KIAA1328: variants seen among roughly 807,000 people sequenced by gnomAD.
KIAA1328 encodes the protein protein hinderin.
In KIAA1328, 52 loss-of-function variants were observed where a neutral mutation model predicts 68.1. That is an observed-to-expected ratio of 0.76 (90% CI 0.61 to 0.96). The LOEUF (loss-of-function observed/expected upper bound fraction) is 0.96, where lower values mean the gene tolerates loss of function less well. KIAA1328 is among the 40% of genes least tolerant of loss of function. KIAA1328 has a pLI of 0.00. For synonymous variants in KIAA1328, 232 were observed against 239.4 expected, an observed-to-expected ratio of 0.97 and a Z score of 0.28; for missense variants, 641 against 677.6, an observed-to-expected ratio of 0.95 and a Z score of 0.60.
intron 9 of KIAA1328, among the ~76,000 whole-genome samples, chr18:37,186,195 C>A (rs746395316): frequency 1.4e-5 from 2 of 144,990 alleles, no homozygotes; most frequent in African/African-American, 5.2e-5. Context: ...CTCCCAGGTA[C>A]AAGGGATTCT....
intron 8 of KIAA1328, among the ~76,000 whole-genome samples, chr18:37,167,566 C>CCGA (rs1477184746): frequency 6.6e-6 from 1 of 152,082 alleles, no homozygotes; most frequent in Non-Finnish European, 1.5e-5. Context: ...CATCGTTCCA[C>CCGA]CGGTCAATGG....
chr18:37,221,425 A>G (rs1266373356), intron 9 of KIAA1328, among the ~76,000 whole-genome samples: 2 of 152,220 alleles, frequency 1.3e-5, no homozygotes, highest in Admixed American at 6.5e-5. Context: ...CAGCTTGCAA[A>G]TGGTAGAACA....
At chr18:36,960,755 AG>A (rs911014460) in intron 6 of KIAA1328, among the ~76,000 whole-genome samples, 3 of 152,244 alleles carry the variant, frequency 2.0e-5, no homozygotes, top group African/African-American at 7.2e-5. Flanking sequence ...ACAAACAGAA[AG>A]GAATATCATC....
chr18:37,215,408 A>G (rs1340713665), intron 9 of KIAA1328, among the ~76,000 whole-genome samples: 1 of 152,122 alleles, frequency 6.6e-6, no homozygotes, highest in Admixed American at 6.6e-5. Context: ...TGAGATAATC[A>G]TGTGGTTTTT....
At chr18:37,031,673 A>G (rs1166167630) in intron 6 of KIAA1328, among the ~76,000 whole-genome samples, 2 of 152,206 alleles carry the variant, frequency 1.3e-5, no homozygotes, top group Admixed American at 6.5e-5. Flanking sequence ...TGATGCAGTT[A>G]TCAACTTGAT....
At chr18:37,120,074 T>C (rs1349833096) in intron 7 of KIAA1328, among the ~76,000 whole-genome samples, 2 of 152,178 alleles carry the variant, frequency 1.3e-5, no homozygotes, top group African/African-American at 2.4e-5. Flanking sequence ...TTTGAAACTT[T>C]CCTGGAAATC....
intron 6 of KIAA1328, among the ~76,000 whole-genome samples, chr18:37,064,141 C>T (rs776419637): frequency 1.3e-5 from 2 of 152,066 alleles, no homozygotes; most frequent in East Asian, 1.9e-4. Flanking sequence ...TTTTGCCTAG[C>T]GCTGGTTCAT....
At chr18:37,193,225 C>T (rs559275295) in intron 9 of KIAA1328, among the ~76,000 whole-genome samples, 5 of 152,134 alleles carry the variant, frequency 3.3e-5, no homozygotes, top group Non-Finnish European at 7.4e-5. Flanking sequence ...GGGTGAAAAA[C>T]GATACAGGCC....
Position 37,067,388 on chromosome 18 carries a change from A to G in KIAA1328, c.1075A>G (p.Lys359Glu), listed in dbSNP as rs1032455531. 1.2e-6 allele frequency: 2 copies of G among 1,613,282 alleles called. No homozygotes were observed. The highest frequency in any genetic ancestry group is 2.7e-5 in the African/African-American group (2 of 74,884). Residue 359 changes from lysine (K) to glutamate (E), a missense_variant, in exon 7 of 10, where the codon AAA becomes GAA. By Grantham distance (56) the Lys-to-Glu change is moderately conservative. Transcript: ENST00000280020. ...GGALQPIETLKKQISEDRKQQ... is the reference protein window; with the variant it reads ...GGALQPIETLEKQISEDRKQQ... ...GGCACTGCAACCCATTGAAACTTTG[A>G]AAAAGCAGATCTCAGAAGATAGAAA...
chr18:36,849,992 C>T (rs2047159084), intron 4 of KIAA1328, among the ~76,000 whole-genome samples: 1 of 151,968 alleles, frequency 6.6e-6, no homozygotes, highest in African/African-American at 2.4e-5. Flanking sequence ...TTGTATATAT[C>T]CTCTTTGAAG....
intron 7 of KIAA1328, among the ~76,000 whole-genome samples, chr18:37,157,585 GC>G (rs2059179436): frequency 6.6e-6 from 1 of 151,838 alleles, no homozygotes; most frequent in Non-Finnish European, 1.5e-5. Context: ...GGCCGAGTGG[GC>G]AGATCACGAG....
At chr18:36,956,908 CCA>C (rs2051443241) in intron 5 of KIAA1328, among the ~76,000 whole-genome samples, 1 of 152,112 alleles carries the variant, frequency 6.6e-6, no homozygotes, top group Non-Finnish European at 1.5e-5. Context: ...CCAGCCTAGT[CCA>C]ATGTACCTTG....
intron 6 of KIAA1328, among the ~76,000 whole-genome samples, chr18:37,010,057 G>T (rs2053919163): frequency 6.6e-6 from 1 of 152,118 alleles, no homozygotes; most frequent in African/African-American, 2.4e-5. Flanking sequence ...GCGTATCATG[G>T]AAAATATACT....
intron 9 of KIAA1328, among the ~76,000 whole-genome samples, chr18:37,183,872 C>T (rs368196166): frequency 1.3e-5 from 2 of 152,154 alleles, no homozygotes; most frequent in Admixed American, 6.5e-5. Flanking sequence ...CATCTTTCCC[C>T]ATAGTACTTA....
intron 6 of KIAA1328, among the ~76,000 whole-genome samples, chr18:36,979,817 GC>G (rs1387883849): frequency 2.6e-5 from 4 of 152,188 alleles, no homozygotes; most frequent in Non-Finnish European, 5.9e-5. Context: ...AAGAGACTCA[GC>G]AAGATCACTG....
At chr18:37,011,372 T>C (rs1157819044) in intron 6 of KIAA1328, among the ~76,000 whole-genome samples, 1 of 152,158 alleles carries the variant, frequency 6.6e-6, no homozygotes, top group African/African-American at 2.4e-5. Flanking sequence ...GAGTCATAAT[T>C]GACTTCTCTC....
chr18:36,875,556 G>C (rs556262181), intron 4 of KIAA1328, among the ~76,000 whole-genome samples: 3 of 152,302 alleles, frequency 2.0e-5, no homozygotes, highest in Non-Finnish European at 4.4e-5. Context: ...TCAGCTTAAG[G>C]AGTTTTTGGG....
chr18:37,011,985 G>A (rs1355745727), intron 6 of KIAA1328, among the ~76,000 whole-genome samples: 1 of 152,110 alleles, frequency 6.6e-6, no homozygotes, highest in East Asian at 1.9e-4. Context: ...CGCATTTTTA[G>A]TAATATCAAA....
chr18:36,845,256 G>T (rs1048227240), intron 4 of KIAA1328, among the ~76,000 whole-genome samples: 1 of 151,600 alleles, frequency 6.6e-6, no homozygotes, highest in Non-Finnish European at 1.5e-5. Context: ...GAATTCTTTG[G>T]CTGCCCTATT....
Sources: gnomAD v4.1 joint callset for allele counts (sites outside exome capture counted in the v4.1 genomes callset) on GRCh38, gnomAD v4.1.1 for gene constraint, MANE v1.5 for transcripts, NCBI Gene and HGNC (gene_info 2026-07-23, HGNC 2026-07-21) for gene names.